PDE4B: variants seen among roughly 807,000 people sequenced by gnomAD.
PDE4B encodes the protein phosphodiesterase 4B, also known as 3',5'-cyclic-AMP phosphodiesterase 4B.
PDE4B carries 20 observed loss-of-function variants against 82.2 expected under a neutral mutation model. The ratio of observed to expected loss-of-function variants is 0.24; its 90% CI spans 0.17 to 0.35. The LOEUF (loss-of-function observed/expected upper bound fraction) is 0.35. PDE4B is among the 10% of genes least tolerant of loss of function. The pLI, the probability that PDE4B is intolerant of heterozygous loss-of-function variation, is 1.00. For synonymous variants in PDE4B, 320 were observed against 318.9 expected (o/e 1.00, Z -0.04); for missense variants, 655 against 907.2 (o/e 0.72, Z 3.57).
chr1:65,992,984 G>A (rs1303886317), intron 3 of PDE4B: 1 of 1,613,942 alleles, frequency 6.2e-7, no homozygotes, highest in East Asian at 2.2e-5. Context: ...AGGAGCAAAT[G>A]CATTTAGAAC....
intron 3 of PDE4B, among the ~76,000 whole-genome samples, chr1:66,217,093 A>C (rs1314514800): frequency 6.6e-6 from 1 of 152,108 alleles, no homozygotes; most frequent in Non-Finnish European, 1.5e-5. Context: ...CATTAAGTAC[A>C]AGAAGGGAAA....
rs74463749 is a variant in PDE4B at position 66,293,698 on chromosome 1, A to G, written c.634+27611A>G. 4.6e-5 allele frequency among the ~76,000 whole-genome samples: 7 copies of G among 152,324 alleles called. No homozygotes were observed. The East Asian group carries it at 1.4e-3, about 29-fold the overall frequency. On this transcript the variant is annotated intron_variant, in intron 7 of 16. Transcript: ENST00000341517. ...TGCATCTTCTATTTAAAACACACAC[A>G]CAAAATCTTCAGAAAAATCTTTAGA...
At chr1:66,010,954 T>C (rs1187125792) in intron 3 of PDE4B, among the ~76,000 whole-genome samples, 5 of 151,110 alleles carry the variant, frequency 3.3e-5, no homozygotes, top group African/African-American at 7.3e-5. Flanking sequence ...TTGAAAGTCA[T>C]TGAAAAATTG....
chr1:66,332,238 C>T, intron 7 of PDE4B: 1 of 1,449,578 alleles, frequency 6.9e-7, no homozygotes, highest in Non-Finnish European at 9.0e-7. Flanking sequence ...CCTCCGCCTT[C>T]TTCCTCAGAG....
Position 66,006,227 on chromosome 1 carries a change from A to G in PDE4B, c.281+87392A>G, listed in dbSNP as rs138128824. On this transcript the variant is annotated intron_variant, in intron 3 of 16. Transcript: ENST00000341517. ...CAGCTTTGCTGCATTTGTGTATGTT[A>G]GTCCTTTGTCAATGGATAAACACCA... is the stretch of plus-strand genomic sequence containing the variant. Among the ~76,000 whole-genome samples the G allele has an allele frequency of 7.2e-5, 11 of 152,276 alleles. No individual in the cohort carries two copies. In the East Asian group the frequency reaches 2.1e-3, roughly 29 times the overall value.
At chr1:65,957,235 T>C (rs1011462134) in intron 3 of PDE4B, among the ~76,000 whole-genome samples, 12 of 152,096 alleles carry the variant, frequency 7.9e-5, no homozygotes, top group South Asian at 2.1e-4. Flanking sequence ...TTATTTTATA[T>C]GGTCAATGCT....
intron 7 of PDE4B, among the ~76,000 whole-genome samples, chr1:66,311,551 T>A (rs1232752543): frequency 6.6e-6 from 1 of 152,376 alleles, no homozygotes; most frequent in East Asian, 1.9e-4. Flanking sequence ...CAACCTCCAC[T>A]CACAGCCATG....
At chr1:66,094,747 A>T (rs962167492) in intron 3 of PDE4B, among the ~76,000 whole-genome samples, 1 of 152,044 alleles carries the variant, frequency 6.6e-6, no homozygotes. Context: ...CTAAAGCACC[A>T]TAATAGTAGC....
In PDE4B at chr1:65,944,004, G is replaced by A. The variant is rs567620550; in HGVS notation, c.281+25169G>A. On this transcript the variant is annotated intron_variant, in intron 3 of 16. Transcript: ENST00000341517. Reference sequence around the variant, plus strand: ...TTCTTTCTCTTGCCTAATTGCTCTGGCTAGGATGTCCAGCAGCATGTTGAA... The same window carrying A: ...TTCTTTCTCTTGCCTAATTGCTCTGACTAGGATGTCCAGCAGCATGTTGAA... Among the ~76,000 whole-genome samples the A allele has an allele frequency of 6.6e-5, 10 of 151,878 alleles. No individual in the cohort carries two copies. In the South Asian group the frequency reaches 1.9e-3, roughly 28 times the overall value.
chr1:66,282,413 T>G (rs1656365740), intron 7 of PDE4B, among the ~76,000 whole-genome samples: 1 of 152,134 alleles, frequency 6.6e-6, no homozygotes, highest in Non-Finnish European at 1.5e-5. Context: ...AGTGCATTAC[T>G]CACTGCTTAA....
At chr1:65,901,595 A>G (rs1299350922) in intron 1 of PDE4B, among the ~76,000 whole-genome samples, 1 of 152,092 alleles carries the variant, frequency 6.6e-6, no homozygotes, top group African/African-American at 2.4e-5. Context: ...ATATTGGTCT[A>G]TTCAGAGTTT....
intron 3 of PDE4B, among the ~76,000 whole-genome samples, chr1:65,974,882 A>T (rs917670171): frequency 6.6e-5 from 10 of 152,080 alleles, no homozygotes; most frequent in Non-Finnish European, 1.5e-4. Flanking sequence ...TTTTTTCATA[A>T]ATTACCCAGT....
chr1:65,873,106 T>A (rs1646593345), intron 1 of PDE4B, among the ~76,000 whole-genome samples: 1 of 152,076 alleles, frequency 6.6e-6, no homozygotes. Flanking sequence ...CTATAACAAT[T>A]TCAAGTAAAA....
chr1:65,868,936 G>C (rs919897418), intron 1 of PDE4B, among the ~76,000 whole-genome samples: 1 of 152,092 alleles, frequency 6.6e-6, no homozygotes, highest in Non-Finnish European at 1.5e-5. Flanking sequence ...CCACCACCCC[G>C]TCTGTGGAAA....
At chr1:66,174,619 G>T (rs1646897949) in intron 3 of PDE4B, among the ~76,000 whole-genome samples, 1 of 152,046 alleles carries the variant, frequency 6.6e-6, no homozygotes, top group African/African-American at 2.4e-5. Context: ...AGCCAGGCGT[G>T]GTGGCACATG....
At chr1:66,275,044 A>G (rs554120) in intron 7 of PDE4B, among the ~76,000 whole-genome samples, 90,201 of 152,058 alleles carry the variant, frequency 0.59, 27,142 homozygotes, top group African/African-American at 0.63. Context: ...GGAAAGCTGA[A>G]AAGTCAGGAG....
At chr1:65,800,168 A>T (rs998644032) in intron 1 of PDE4B, among the ~76,000 whole-genome samples, 2 of 152,200 alleles carry the variant, frequency 1.3e-5, no homozygotes, top group Admixed American at 6.5e-5. Context: ...AATGATAATG[A>T]CTGAATTCAG....
At chr1:66,112,180 T>A (rs1004103256) in intron 3 of PDE4B, among the ~76,000 whole-genome samples, 3 of 152,102 alleles carry the variant, frequency 2.0e-5, no homozygotes, top group Admixed American at 2.0e-4. Context: ...TTACATTAAT[T>A]TTTGGAGAAC....
intron 3 of PDE4B, among the ~76,000 whole-genome samples, chr1:66,194,113 T>C (rs190587677): frequency 6.6e-6 from 1 of 152,184 alleles, no homozygotes; most frequent in Non-Finnish European, 1.5e-5. Context: ...AGAAAACAGC[T>C]CACATAATGA....
Sources: allele counts gnomAD v4.1 joint callset (sites outside exome capture counted in the v4.1 genomes callset), GRCh38; gene constraint gnomAD v4.1.1; transcripts MANE v1.5; gene names NCBI Gene and HGNC (gene_info 2026-07-23, HGNC 2026-07-21).